Variants in POLN observed in about 807,000 individuals in gnomAD.
POLN encodes the protein DNA polymerase N.
POLN carries 108 observed loss-of-function variants against 113.5 expected under a neutral mutation model. The observed-to-expected ratio is 0.95, with a 90% CI of 0.81 to 1.12. The LOEUF (loss-of-function observed/expected upper bound fraction) is 1.12. Ranked by LOEUF, POLN falls within the 50% of genes most tolerant of loss-of-function variation. The pLI, the probability that POLN is intolerant of heterozygous loss-of-function variation, is 0.00. For synonymous variants in POLN, 386 were observed against 391.5 expected, an observed-to-expected ratio of 0.99 and a Z score of 0.17; for missense variants, 1,097 against 1,077.1, an observed-to-expected ratio of 1.02 and a Z score of -0.26.
chr4:2,089,534 TG>T, intron 20 of POLN: 1 of 1,246,134 alleles, frequency 8.0e-7, no homozygotes, highest in African/African-American at 1.5e-5. Flanking sequence ...TTTTTAAAAA[TG>T]TAATTCTTGG....
chr4:2,156,700 G>C, intron 16 of POLN, 88 bp downstream of exon 16: 1 of 1,032,070 alleles, frequency 9.7e-7, no homozygotes, highest in South Asian at 1.3e-5. Flanking sequence ...GAAACAGAAA[G>C]TGCACAGGCA....
chr4:2,147,704 G>A (rs1351771872), intron 16 of POLN, among the ~76,000 whole-genome samples: 4 of 137,864 alleles, frequency 2.9e-5, no homozygotes, highest in East Asian at 2.3e-4. Context: ...ACACAATGGC[G>A]TGATCTTGGC....
At chr4:2,089,178 T>C (rs769628986) in intron 20 of POLN, 1,079 of 1,487,392 alleles carry the variant, frequency 7.3e-4, no homozygotes, top group Non-Finnish European at 7.5e-4. Flanking sequence ...TCACTTCAGA[T>C]AAACTGACCT....
At chr4:2,089,081 G>A in intron 20 of POLN, 1 of 889,514 alleles carries the variant, frequency 1.1e-6, no homozygotes, top group Non-Finnish European at 1.8e-6. Context: ...AGGAGCAATG[G>A]ATTGGTCTAC....
In POLN at chr4:2,073,015, T is replaced by A. The variant is rs1166166582; in HGVS notation, c.2470A>T (p.Thr824Ser). 6.2e-7 allele frequency: 1 copy of A among 1,613,336 alleles called. No homozygotes were observed. Among genetic ancestry groups the A allele is most frequent in the Non-Finnish European group, 8.5e-7 (1 of 1,179,934 alleles). ...IPECAALVRR[T>S]MESLEQVQAL... is the part of the protein sequence containing the mutation. ...TGCACCTGTTCCAAGGACTCCATGG[T>A]CCTCCTGACGAGAGCTAGAGTGCGG... The change falls in exon 25 of 26, where the codon ACC (threonine) becomes TCC (serine). Residue 824 changes from threonine (T) to serine (S), a missense_variant. Coordinates refer to ENST00000511885, the MANE Select transcript of POLN (RefSeq NM_181808.4).
chr4:2,131,911 C>T (rs1225229480), intron 16 of POLN, among the ~76,000 whole-genome samples: 36 of 152,210 alleles, frequency 2.4e-4, no homozygotes, highest in Non-Finnish European at 2.9e-5. Context: ...TCACAACATC[C>T]TTTGGATTCT....
At chr4:2,135,156 G>A (rs1731822930) in intron 16 of POLN, among the ~76,000 whole-genome samples, 1 of 152,122 alleles carries the variant, frequency 6.6e-6, no homozygotes, top group African/African-American at 2.4e-5. Context: ...AAATGAAAGG[G>A]TGTCACAGGA....
intron 20 of POLN, among the ~76,000 whole-genome samples, chr4:2,087,829 G>A (rs575234532): frequency 1.3e-5 from 2 of 151,984 alleles, no homozygotes; most frequent in African/African-American, 4.8e-5. Context: ...CTTCTAAGGG[G>A]TGCTATTTTT....
chr4:2,081,933 C>T (rs2108689840), intron 21 of POLN, among the ~76,000 whole-genome samples, 190 bp from the exon 22 acceptor site: 1 of 144,748 alleles, frequency 6.9e-6, no homozygotes, highest in South Asian at 2.2e-4. Context: ...AGGGTCTGAG[C>T]TGGGCACTCT....
chr4:2,236,339 C>T, intron 2 of POLN: 1 of 1,612,998 alleles, frequency 6.2e-7, no homozygotes, highest in African/African-American at 1.3e-5. Context: ...CAGATACTGC[C>T]AACTGATCTT....
intron 3 of POLN, among the ~76,000 whole-genome samples, chr4:2,216,240 C>T (rs1449593283): frequency 1.3e-5 from 2 of 152,352 alleles, no homozygotes; most frequent in Non-Finnish European, 2.9e-5. Flanking sequence ...TCTTCCTGTG[C>T]CCCTGCTGGA....
At chr4:2,147,989 C>A (rs1039010684) in intron 16 of POLN, among the ~76,000 whole-genome samples, 4 of 152,054 alleles carry the variant, frequency 2.6e-5, no homozygotes, top group Non-Finnish European at 5.9e-5. Flanking sequence ...ATTCCAGGTA[C>A]AGAGCCAGGC....
chr4:2,099,487 T>C (rs1417730535), intron 19 of POLN, among the ~76,000 whole-genome samples: 1 of 152,202 alleles, frequency 6.6e-6, no homozygotes, highest in Non-Finnish European at 1.5e-5. Flanking sequence ...AGGGACATTC[T>C]ACAAAATACC....
intron 16 of POLN, among the ~76,000 whole-genome samples, chr4:2,136,961 G>A (rs1043750692): frequency 2.0e-5 from 3 of 152,214 alleles, no homozygotes; most frequent in African/African-American, 4.8e-5. Context: ...TGTGGCAGTC[G>A]CCCCACACGT....
At chr4:2,100,323 T>C (rs1031898454) in intron 19 of POLN, among the ~76,000 whole-genome samples, 3 of 152,044 alleles carry the variant, frequency 2.0e-5, no homozygotes, top group African/African-American at 7.2e-5. Context: ...CCACGGTAAA[T>C]ACAGGAGAGT....
chr4:2,146,657 C>T (rs1413030038), intron 16 of POLN, among the ~76,000 whole-genome samples: 1 of 152,016 alleles, frequency 6.6e-6, no homozygotes. Flanking sequence ...CAGATAGGGG[C>T]AGGGGGCTGA....
chr4:2,132,495 C>T (rs1258797729), intron 16 of POLN, among the ~76,000 whole-genome samples: 1 of 152,156 alleles, frequency 6.6e-6, no homozygotes, highest in African/African-American at 2.4e-5. Context: ...AGAAGCTGAA[C>T]AACCCTAAAT....
intron 19 of POLN, among the ~76,000 whole-genome samples, chr4:2,121,448 A>ATATATATATATAT (rs201923056): frequency 6.4e-5 from 8 of 124,808 alleles, no homozygotes; most frequent in Non-Finnish European, 1.4e-4. Flanking sequence ...AAAAAAAAAA[A>ATATATATATATAT]AAAAATATAT....
At chr4:2,194,558 T>C (rs1206047788) in intron 6 of POLN, among the ~76,000 whole-genome samples, 1 of 152,166 alleles carries the variant, frequency 6.6e-6, no homozygotes, top group Non-Finnish European at 1.5e-5. Flanking sequence ...AAAGAGCTTA[T>C]GAAGGAGAAG....
Sources: gnomAD v4.1 joint callset for allele counts (sites outside exome capture counted in the v4.1 genomes callset) on GRCh38, gnomAD v4.1.1 for gene constraint, MANE v1.5 for transcripts, NCBI Gene and HGNC (gene_info 2026-07-23, HGNC 2026-07-21) for gene names.